ARPP21: variants seen among roughly 807,000 people sequenced by gnomAD.
ARPP21 encodes cAMP-regulated phosphoprotein 21.
A neutral mutation model predicts 113.2 loss-of-function variants in ARPP21; 69 were observed. The ratio of observed to expected loss-of-function variants is 0.61; its 90% CI spans 0.50 to 0.74. The LOEUF is 0.74. Ranked by LOEUF, ARPP21 falls within the 30% of genes least tolerant of loss-of-function variation. The pLI is 0.00. For synonymous variants in ARPP21, 368 were observed against 375.5 expected, an observed-to-expected ratio of 0.98 and a Z score of 0.23; for missense variants, 1,070 against 1,037.4, an observed-to-expected ratio of 1.03 and a Z score of -0.43.
chr3:35,650,945 A>C (rs1011225669), intron 1 of ARPP21, among the ~76,000 whole-genome samples: 3 of 152,162 alleles, frequency 2.0e-5, no homozygotes, highest in Non-Finnish European at 4.4e-5. Flanking sequence ...ATTAAAAATT[A>C]GGTTTATCAA....
At chr3:35,761,255 A>C (rs994351857) in intron 19 of ARPP21, among the ~76,000 whole-genome samples, 1 of 152,108 alleles carries the variant, frequency 6.6e-6, no homozygotes, top group Non-Finnish European at 1.5e-5. Flanking sequence ...TGCTTTCTCT[A>C]TATTTAGAGA....
intron 9 of ARPP21, among the ~76,000 whole-genome samples, chr3:35,701,502 C>T (rs1026287158): frequency 5.3e-5 from 8 of 151,662 alleles, no homozygotes; most frequent in African/African-American, 1.7e-4. Flanking sequence ...ATCAAGCTCA[C>T]GCACCTAGTA....
At chr3:35,743,148 T>G (rs569058731) in intron 18 of ARPP21, among the ~76,000 whole-genome samples, 20 of 152,374 alleles carry the variant, frequency 1.3e-4, no homozygotes, top group African/African-American at 4.8e-4. Flanking sequence ...ATTTCATGAT[T>G]GCATTCTCTG....
chr3:35,684,845 A>G (rs765223821), intron 5 of ARPP21: 5 of 981,382 alleles, frequency 5.1e-6, no homozygotes, highest in African/African-American at 1.7e-5. Context: ...CTCATGTCAT[A>G]AGGCATGGAC....
chr3:35,680,511 T>C (rs1484706826), intron 2 of ARPP21, among the ~76,000 whole-genome samples: 1 of 151,946 alleles, frequency 6.6e-6, no homozygotes, highest in Non-Finnish European at 1.5e-5. Flanking sequence ...CTGTGGTTTG[T>C]ATTTTTCTCA....
At chr3:35,791,911 A>G (rs1375179186) in intron 19 of ARPP21, among the ~76,000 whole-genome samples, 2 of 152,198 alleles carry the variant, frequency 1.3e-5, no homozygotes, top group Admixed American at 6.5e-5. Context: ...TCCAAAGTTA[A>G]TGGGCTGTTT....
intron 1 of ARPP21, among the ~76,000 whole-genome samples, chr3:35,677,846 G>A (rs2077908380): frequency 6.6e-6 from 1 of 151,984 alleles, no homozygotes; most frequent in Admixed American, 6.6e-5. Context: ...GCAGAAAGCT[G>A]AAGTAGGGTT....
At chr3:35,730,455 C>T (rs1463895819) in intron 15 of ARPP21, among the ~76,000 whole-genome samples, 1 of 152,188 alleles carries the variant, frequency 6.6e-6, no homozygotes, top group African/African-American at 2.4e-5. Context: ...AAACATCCCC[C>T]AAGGCCTAGG....
chr3:35,791,834 T>A (rs1178182973), intron 19 of ARPP21, among the ~76,000 whole-genome samples: 1 of 152,198 alleles, frequency 6.6e-6, no homozygotes, highest in African/African-American at 2.4e-5. Context: ...TCTAAGGCAG[T>A]GGTTATCGTG....
At chr3:35,779,502 G>A (rs2096471325) in intron 19 of ARPP21, among the ~76,000 whole-genome samples, 1 of 151,936 alleles carries the variant, frequency 6.6e-6, no homozygotes, top group Non-Finnish European at 1.5e-5. Context: ...AACCTCAGCT[G>A]CAGCACCCAG....
chr3:35,753,921 T>G (rs564464346), intron 19 of ARPP21, among the ~76,000 whole-genome samples: 1 of 151,954 alleles, frequency 6.6e-6, no homozygotes, highest in Admixed American at 6.6e-5. Flanking sequence ...AATTCAATAT[T>G]TTTAGCTTGA....
chr3:35,748,185 A>C (rs2151002842), intron 19 of ARPP21, among the ~76,000 whole-genome samples: 1 of 149,488 alleles, frequency 6.7e-6, no homozygotes, highest in African/African-American at 2.5e-5. Flanking sequence ...AAAAGAAAGA[A>C]AGAAAGAAAG....
chr3:35,680,146 G>A (rs1030898660), intron 2 of ARPP21, among the ~76,000 whole-genome samples, 186 bp downstream of exon 2: 16 of 151,876 alleles, frequency 1.1e-4, no homozygotes, highest in Non-Finnish European at 5.9e-5. Context: ...ATCTGGTCAT[G>A]TTCTGTTTTT....
chr3:35,755,356 A>G (rs897241365), intron 19 of ARPP21, among the ~76,000 whole-genome samples: 4 of 151,926 alleles, frequency 2.6e-5, no homozygotes, highest in South Asian at 2.1e-4. Flanking sequence ...TGTATTTTCT[A>G]TCTTTAACTC....
Position 35,689,944 on chromosome 3 carries a change from A to T in ARPP21, c.486-137A>T, listed in dbSNP as rs2081759979. Reference sequence around the variant, plus strand: ...ATGAAATAATATGTAAATGGTCAGCATATTCCAAAGAAGAGTTAGGTATAA... The same window carrying T: ...ATGAAATAATATGTAAATGGTCAGCTTATTCCAAAGAAGAGTTAGGTATAA... On this transcript the variant is annotated intron_variant, in intron 7 of 20. Coordinates refer to ENST00000684406, the MANE Select transcript of ARPP21 (RefSeq NM_001385562.1). 8 of 581,092 alleles carry T rather than the reference A, an allele frequency of 1.4e-5. No homozygotes were observed. In the Admixed American group the frequency reaches 2.5e-4, roughly 18 times the overall value. 36.0% of individuals were successfully genotyped at this position (581,092 alleles called of 1,614,324 possible).
intron 19 of ARPP21, among the ~76,000 whole-genome samples, chr3:35,748,272 A>G (rs377634442): frequency 6.8e-6 from 1 of 146,786 alleles, no homozygotes; most frequent in Non-Finnish European, 1.5e-5. Context: ...GAGAGAGAGA[A>G]AGAAAGAAAA....
intron 18 of ARPP21, 74 bp from the exon 19 acceptor site, chr3:35,743,765 A>T: frequency 6.6e-7 from 1 of 1,511,094 alleles, no homozygotes; most frequent in Non-Finnish European, 9.2e-7. Context: ...TATAAGACGA[A>T]AGCATATTTT....
At chr3:35,645,617 G>A (rs1053731981) in intron 1 of ARPP21, among the ~76,000 whole-genome samples, 9 of 151,832 alleles carry the variant, frequency 5.9e-5, no homozygotes, top group Non-Finnish European at 1.5e-5. Context: ...CTTGTGGTAG[G>A]GACATTTAAA....
rs1205302144 is a variant in ARPP21 at position 35,765,381 on chromosome 3, G to A, written c.2137+21416G>A. On this transcript the variant is annotated intron_variant, in intron 19 of 20. Coordinates refer to ENST00000684406, the MANE Select transcript of ARPP21 (RefSeq NM_001385562.1). Reference sequence around the variant, plus strand: ...AGAGATAGTTAAGAAGCTCAGCTAAGAACAGAAACCAAGCGAGTGGGGTAG... The same window carrying A: ...AGAGATAGTTAAGAAGCTCAGCTAAAAACAGAAACCAAGCGAGTGGGGTAG... 3.9e-5 allele frequency among the ~76,000 whole-genome samples: 6 copies of A among 152,206 alleles called. No individual in the cohort carries two copies. The East Asian group carries it at 1.2e-3, about 29-fold the overall frequency.
Sources: gnomAD v4.1 joint callset for allele counts (sites outside exome capture counted in the v4.1 genomes callset) on GRCh38, gnomAD v4.1.1 for gene constraint, MANE v1.5 for transcripts, NCBI Gene and HGNC (gene_info 2026-07-23, HGNC 2026-07-21) for gene names.